The following RB1CC1 variants were observed in gnomAD, a reference collection of about 807,000 sequenced individuals.
RB1CC1 encodes RB1-inducible coiled-coil protein 1.
RB1CC1 carries 46 observed loss-of-function variants against 177.5 expected under a neutral mutation model. That is an observed-to-expected ratio of 0.26 (90% confidence interval 0.20 to 0.33). RB1CC1 has a LOEUF of 0.33. RB1CC1 is among the 10% of genes least tolerant of loss of function. RB1CC1 has a pLI of 1.00. For missense variants in RB1CC1, 1,703 were observed against 1,816.3 expected (o/e 0.94, Z 1.13); for synonymous variants, 666 against 613.6 (o/e 1.09, Z -1.26).
At chr8:52,650,500 T>G (rs1850473306) in intron 15 of RB1CC1, among the ~76,000 whole-genome samples, 2 of 152,340 alleles carry the variant, frequency 1.3e-5, no homozygotes, top group East Asian at 1.9e-4. Context: ...ATAGATCTCT[T>G]GGCCTTCACC....
intron 7 of RB1CC1, among the ~76,000 whole-genome samples, chr8:52,673,389 A>G (rs995115901): frequency 5.9e-5 from 9 of 152,316 alleles, no homozygotes; most frequent in African/African-American, 2.2e-4. Flanking sequence ...ACAACTAAAA[A>G]ATACAGTGTC....
At chr8:52,708,663 C>G (rs62501683) in intron 1 of RB1CC1, among the ~76,000 whole-genome samples, 33,920 of 152,074 alleles carry the variant, frequency 0.22, 4,109 homozygotes, top group Middle Eastern at 0.29. Flanking sequence ...TATAAGGTAG[C>G]AGGAATTCTC....
Position 52,660,981 on chromosome 8 carries a change from T to A in RB1CC1, c.1572A>T (p.Gly524=). The A allele has an allele frequency of 2.5e-6, 4 of 1,613,562 alleles. No homozygotes were observed. The highest frequency in any genetic ancestry group is 3.4e-6 in the Non-Finnish European group (4 of 1,179,732). ...ATTTTTCTGCTTCATATAATCTCTTTCCATCTTTGACTAAAGCACCAGCCC... is the reference window on the plus strand; with the variant it reads ...ATTTTTCTGCTTCATATAATCTCTTACCATCTTTGACTAAAGCACCAGCCC... The part of the protein sequence containing the change: ...REWAGALVKD[G]KRLYEAEKSK... The change falls in exon 11 of 24, where the codon GGA becomes GGT. Residue 524 remains glycine, a synonymous_variant. Coordinates refer to ENST00000025008, the MANE Select transcript of RB1CC1 (RefSeq NM_014781.5).
At chr8:52,690,958 A>C (rs1009056142) in intron 1 of RB1CC1, among the ~76,000 whole-genome samples, 1 of 152,228 alleles carries the variant, frequency 6.6e-6, no homozygotes, top group Non-Finnish European at 1.5e-5. Context: ...CCTAACAGCA[A>C]GAATTTTCTC....
intron 6 of RB1CC1, among the ~76,000 whole-genome samples, chr8:52,675,127 T>C (rs1369124285): frequency 6.6e-6 from 1 of 152,104 alleles, no homozygotes; most frequent in African/African-American, 2.4e-5. Context: ...AACAGAACCC[T>C]TAGAAAGTTA....
chr8:52,668,289 A>T lies in RB1CC1; in HGVS notation c.1003-98T>A, dbSNP rs983056781. On this transcript the variant is annotated intron_variant, in intron 7 of 23. Coordinates refer to ENST00000025008, the MANE Select transcript of RB1CC1 (RefSeq NM_014781.5). The stretch of plus-strand genomic sequence containing the variant: ...CATACAGCTTGAGAGAAAATAAGTG[A>T]TAAAAGATATAAAAAAGCAAAAGCA... 44 of 1,367,130 alleles carry T rather than the reference A, an allele frequency of 3.2e-5. No individual in the cohort carries two copies. In the Admixed American group the frequency reaches 8.6e-4, roughly 27 times the overall value. 84.7% of individuals were successfully genotyped at this position (1,367,130 alleles called of 1,614,324 possible).
intron 15 of RB1CC1, among the ~76,000 whole-genome samples, chr8:52,653,484 AACAAG>A (rs1281257331): frequency 6.6e-6 from 1 of 152,154 alleles, no homozygotes; most frequent in African/African-American, 2.4e-5. Flanking sequence ...AAACTGTAAA[AACAAG>A]ACAAAACAGA....
At chr8:52,683,517 AC>A in intron 5 of RB1CC1, 31 bp downstream of exon 5, 2 of 1,503,396 alleles carry the variant, frequency 1.3e-6, no homozygotes, top group Non-Finnish European at 1.8e-6. Context: ...GCTTTTAGAA[AC>A]AATCAGTTAA....
chr8:52,656,582 C>T lies in RB1CC1; in HGVS notation c.3247G>A (p.Ala1083Thr). The T allele has an allele frequency of 6.2e-7, 1 of 1,612,792 alleles. No homozygotes were observed. The highest frequency in any genetic ancestry group is 8.5e-7 in the Non-Finnish European group (1 of 1,179,526). ...GATTTCAAGGTCTCCTTCTGCTGGGCTCTGCTTTCTTCCAGCAAAATTTTT... is the reference window on the plus strand; with the variant it reads ...GATTTCAAGGTCTCCTTCTGCTGGGTTCTGCTTTCTTCCAGCAAAATTTTT... ...EIKILLEESR[A>T]QQKETLKSLL... is the part of the protein sequence containing the mutation. Residue 1083 changes from alanine to threonine, a missense_variant, in exon 15 of 24, where the codon GCC becomes ACC. Transcript: ENST00000025008.
In RB1CC1 at chr8:52,658,976, T is replaced by C. The variant is rs192256508; in HGVS notation, c.1690A>G (p.Thr564Ala). Residue 564 changes from threonine to alanine, a missense_variant and splice_region_variant, in exon 13 of 24, where the codon ACT becomes GCT. Transcript: ENST00000025008. The stretch of plus-strand genomic sequence containing the variant: ...CAGTCAAACTTTCGAGGCTTTTGAG[T>C]CTGTACCAAAAAAATTAATTACTTA... ...GLDSWPPSFC[T>A]QKPRKFDCEL... is the part of the protein sequence containing the mutation. 84 of 1,496,710 alleles carry C rather than the reference T, an allele frequency of 5.6e-5. 2 individuals are homozygous for C. The East Asian group carries it at 2.0e-3, about 35-fold the overall frequency. The allele number at this position is 1,496,710 out of a possible 1,614,324, so 92.7% of individuals were successfully genotyped here. A position where few individuals can be genotyped will look rare whatever the true frequency, so the allele number is the denominator to read the frequency against.
chr8:52,663,324 T>A (rs1851788443), intron 8 of RB1CC1, among the ~76,000 whole-genome samples: 1 of 151,896 alleles, frequency 6.6e-6, no homozygotes, highest in Non-Finnish European at 1.5e-5. Flanking sequence ...GGCTCCAGTG[T>A]TACACAGCTT....
rs556062725 is a variant in RB1CC1 at position 52,664,871 on chromosome 8, A to G, written c.1173+3150T>C. ...CAATATCAGCAATAAATATCTTTTT[A>G]TATTACTAACAAATATAAAACCATC... is the stretch of plus-strand genomic sequence containing the variant. On this transcript the variant is annotated intron_variant, in intron 8 of 23. Transcript: ENST00000025008. Among the ~76,000 whole-genome samples the G allele has an allele frequency of 4.6e-5, 7 of 152,300 alleles. No homozygotes were observed. In the East Asian group the frequency reaches 9.6e-4, roughly 21 times the overall value.
At position 52,624,698 on chromosome 8, in the gene RB1CC1, C is replaced by G; in HGVS notation, c.4707+19G>C. Reference sequence around the variant, plus strand: ...TCTTTACAGTTCCCAGGCTTAGTATCACATGATGTCGTTTTTACCTTTTTG... The same window carrying G: ...TCTTTACAGTTCCCAGGCTTAGTATGACATGATGTCGTTTTTACCTTTTTG... On this transcript the variant is annotated intron_variant, in intron 23 of 23. Transcript: ENST00000025008. 6.5e-7 allele frequency: 1 copy of G among 1,550,086 alleles called. No homozygotes were observed. Among genetic ancestry groups the G allele is most frequent in the Non-Finnish European group, 8.9e-7 (1 of 1,123,826 alleles).
chr8:52,696,760 T>C (rs1033091355), intron 1 of RB1CC1, among the ~76,000 whole-genome samples: 1 of 152,150 alleles, frequency 6.6e-6, no homozygotes, highest in Non-Finnish European at 1.5e-5. Flanking sequence ...TCTAGCACTT[T>C]GGGAGGCCTA....
At chr8:52,636,172 G>C in intron 18 of RB1CC1, 103 bp from the exon 19 acceptor site, 1 of 1,298,390 alleles carries the variant, frequency 7.7e-7, no homozygotes, top group Non-Finnish European at 1.0e-6. Flanking sequence ...AACAATTTAA[G>C]GGTTTTCATA....
intron 22 of RB1CC1, among the ~76,000 whole-genome samples, chr8:52,626,728 C>G (rs1474470644): frequency 6.6e-6 from 1 of 152,086 alleles, no homozygotes; most frequent in Non-Finnish European, 1.5e-5. Context: ...AAGTTATAAG[C>G]TATCTTCTCA....
In RB1CC1 at chr8:52,684,008, G is replaced by C; in HGVS notation, c.77C>G (p.Ala26Gly). ...FDTELTVQTV[A>G]DLKHAIQSKY... ...GCTTTGAATGGCATGCTTAAGGTCT[G>C]CCACACTTCAAAAAATGAAATAAAA... Residue 26 changes from alanine (A) to glycine (G), a missense_variant, in exon 4 of 24, where the codon GCA (alanine) becomes GGA (glycine). Physicochemically the swap from Ala to Gly is moderately conservative, Grantham distance 60 (BLOSUM62 0). Coordinates refer to ENST00000025008, the MANE Select transcript of RB1CC1 (RefSeq NM_014781.5). 1.2e-6 allele frequency: 2 copies of C among 1,610,320 alleles called. No individual in the cohort carries two copies. The highest frequency in any genetic ancestry group is 1.1e-5 in the South Asian group (1 of 90,406).
intron 15 of RB1CC1, among the ~76,000 whole-genome samples, chr8:52,647,855 G>C (rs377741345): frequency 1.3e-5 from 2 of 152,072 alleles, no homozygotes; most frequent in East Asian, 3.9e-4. Flanking sequence ...TTGTGAGAAA[G>C]GATATTAGTA....
At chr8:52,666,690 T>C (rs1852097985) in intron 8 of RB1CC1, among the ~76,000 whole-genome samples, 1 of 151,850 alleles carries the variant, frequency 6.6e-6, no homozygotes, top group Non-Finnish European at 1.5e-5. Flanking sequence ...TGAAACTATA[T>C]ACAAAAGAAC....
Sources: allele counts gnomAD v4.1 joint callset (sites outside exome capture counted in the v4.1 genomes callset), GRCh38; gene constraint gnomAD v4.1.1; transcripts MANE v1.5; gene names NCBI Gene and HGNC (gene_info 2026-07-23, HGNC 2026-07-21).